C2CD2: variants seen among roughly 807,000 people sequenced by gnomAD.
C2CD2 encodes the protein C2 domain-containing protein 2.
Under a neutral mutation model 74.3 loss-of-function variants are expected in C2CD2, and 43 were observed. The observed-to-expected ratio is 0.58, with a 90% CI of 0.45 to 0.75. C2CD2 has a LOEUF of 0.75. C2CD2 is among the 30% of genes least tolerant of loss of function. C2CD2 has a pLI of 0.00. For missense variants in C2CD2, 801 were observed against 916.3 expected (o/e 0.87, Z 1.63); for synonymous variants, 422 against 390.7 (o/e 1.08, Z -0.94).
At position 41,907,795 on chromosome 21, in the gene C2CD2, A is replaced by G; in HGVS notation, c.1019-11T>C. The G allele has an allele frequency of 6.2e-7, 1 of 1,613,958 alleles. No homozygotes were observed. Among genetic ancestry groups the G allele is most frequent in the Non-Finnish European group, 8.5e-7 (1 of 1,179,954 alleles). ...CCGTCGCCAGCAGACCTGAAAAGAT[A>G]GGAGACAGGCAAGGGGTGCCGCTGA... On this transcript the variant is annotated splice_polypyrimidine_tract_variant and intron_variant, in intron 8 of 13. Transcript: ENST00000380486.
rs376388126 is a variant in C2CD2 at position 41,950,219 on chromosome 21, C to T, written c.279+3151G>A. On this transcript the variant is annotated intron_variant, in intron 1 of 13. Coordinates refer to ENST00000380486, the MANE Select transcript of C2CD2 (RefSeq NM_015500.2). The stretch of plus-strand genomic sequence containing the variant: ...CTAGCAGCTTCTCACCAGTGATTCT[C>T]AACCATGGGACACTCTCAAAGTGTG... Among the ~76,000 whole-genome samples the T allele has an allele frequency of 3.0e-4, 46 of 152,190 alleles. No individual in the cohort carries two copies. In the South Asian group the frequency reaches 3.9e-3, roughly 13 times the overall value.
intron 13 of C2CD2, among the ~76,000 whole-genome samples, chr21:41,891,389 T>C (rs533321455): frequency 1.4e-4 from 22 of 152,324 alleles, no homozygotes; most frequent in African/African-American, 5.3e-4. Context: ...AGGTGGATAA[T>C]GACCCCCAAC....
chr21:41,905,915 G>A, intron 10 of C2CD2, 78 bp from the exon 11 acceptor site: 2 of 807,546 alleles, frequency 2.5e-6, no homozygotes, highest in Non-Finnish European at 4.4e-6. Flanking sequence ...TGAAAGGACA[G>A]CCCTCACTGC....
chr21:41,885,880 G>GTT lies in C2CD2; in HGVS notation c.*3243_*3244insAA, dbSNP rs1332847588. The GTT allele has an allele frequency of 2.6e-5, 4 of 152,430 alleles. No homozygotes were observed. Among genetic ancestry groups the GTT allele is most frequent in the Non-Finnish European group, 5.9e-5 (4 of 68,036 alleles). The allele number at this position is 152,430 out of a possible 1,614,324, so 9.4% of individuals were successfully genotyped here. ...CTGGTCGAGTAGCAGTTGGTCATAA[G>GTT]GGATCAGGGCTGGTTTTGAACTCAG... is the stretch of plus-strand genomic sequence containing the variant. On this transcript the variant is annotated 3_prime_UTR_variant, in exon 14 of 14. Coordinates refer to ENST00000380486, the MANE Select transcript of C2CD2 (RefSeq NM_015500.2).
chr21:41,891,014 T>C (rs542020771), intron 13 of C2CD2, among the ~76,000 whole-genome samples: 1 of 152,288 alleles, frequency 6.6e-6, no homozygotes, highest in Admixed American at 6.5e-5. Context: ...AAAACTTGAC[T>C]CTCTCAACAC....
Position 41,889,163 on chromosome 21 carries a change from CTT to C in C2CD2, c.2050_2051del (p.Lys684GlufsTer29). On this transcript the variant is annotated frameshift_variant, in exon 14 of 14. Transcript: ENST00000380486. LOFTEE classifies it high-confidence loss of function. ...CCACGGGGGCACCGTTCATGGTGTTCTTGTTTCTGTGCCTGGAGAGCAGCTTC... is the reference window on the plus strand; with the variant it reads ...CCACGGGGGCACCGTTCATGGTGTTCGTTTCTGTGCCTGGAGAGCAGCTTC... ...NKKLLSRHRNKNTMNGAPVEP... is the reference protein window; with the variant it reads ...NKKLLSRHRNXNTMNGAPVEP... 6.2e-7 allele frequency: 1 copy of C among 1,612,686 alleles called. No homozygotes were observed. Among genetic ancestry groups the C allele is most frequent in the Non-Finnish European group, 8.5e-7 (1 of 1,180,034 alleles).
intron 13 of C2CD2, among the ~76,000 whole-genome samples, chr21:41,890,518 C>T (rs1009518970): frequency 6.6e-6 from 1 of 152,174 alleles, no homozygotes; most frequent in Non-Finnish European, 1.5e-5. Context: ...CTGGCAAGGT[C>T]GAGGGAGTAA....
chr21:41,898,108 C>T (rs564628845), intron 13 of C2CD2, among the ~76,000 whole-genome samples: 2 of 152,328 alleles, frequency 1.3e-5, no homozygotes, highest in African/African-American at 2.4e-5. Context: ...GGAGCCCCTT[C>T]GATTTCCCGA....
At chr21:41,938,164 C>T (rs966344432) in intron 2 of C2CD2, among the ~76,000 whole-genome samples, 5 of 150,064 alleles carry the variant, frequency 3.3e-5, no homozygotes, top group Non-Finnish European at 4.4e-5. Flanking sequence ...CCATTCCACA[C>T]GTGTATATAT....
chr21:41,941,926 C>A (rs150836297), intron 2 of C2CD2, among the ~76,000 whole-genome samples: 1 of 152,180 alleles, frequency 6.6e-6, no homozygotes, highest in Non-Finnish European at 1.5e-5. Flanking sequence ...CGCACCGGAG[C>A]GAGTGTCAGA....
At chr21:41,938,082 A>G (rs189580164) in intron 2 of C2CD2, among the ~76,000 whole-genome samples, 1 of 152,290 alleles carries the variant, frequency 6.6e-6, no homozygotes, top group East Asian at 1.9e-4. Flanking sequence ...GAAAATTGCT[A>G]AAAGAGTAGA....
chr21:41,919,500 G>T (rs1003754987), intron 3 of C2CD2, among the ~76,000 whole-genome samples: 1 of 152,114 alleles, frequency 6.6e-6, no homozygotes, highest in Non-Finnish European at 1.5e-5. Flanking sequence ...ATCAAACCTT[G>T]CAGTCTATTT....
At chr21:41,902,093 A>C (rs932214966) in intron 11 of C2CD2, among the ~76,000 whole-genome samples, 15 of 152,240 alleles carry the variant, frequency 9.9e-5, no homozygotes, top group African/African-American at 3.6e-4. Flanking sequence ...GGGTGGTTAC[A>C]AGATACTCAC....
At position 41,889,212 on chromosome 21, in the gene C2CD2, G is replaced by C. The variant is rs746631048; in HGVS notation, c.2003C>G (p.Thr668Ser). ...QPEGSRRKGI[T>S]LTRILNKKLL... ...CTTCTTGTTCAGGATCCTGGTGAGG[G>C]TGATGCCTTTCCTCCGGGAACCCTC... Residue 668 changes from threonine (T) to serine (S), a missense_variant, in exon 14 of 14, where the codon ACC becomes AGC. Thr to Ser is a moderately conservative substitution (Grantham distance 58). Coordinates refer to ENST00000380486, the MANE Select transcript of C2CD2 (RefSeq NM_015500.2). 22 of 1,613,532 alleles carry C rather than the reference G, an allele frequency of 1.4e-5. No individual in the cohort carries two copies. The highest frequency in any genetic ancestry group is 1.8e-5 in the Non-Finnish European group (21 of 1,180,034).
rs187345131 is a variant in C2CD2 at position 41,938,432 on chromosome 21, G to C, written c.378+3715C>G. ...AAAACTGACCATTTAAGCCATTTTTGAGTGCACAGTTCAGTGGCATTAAGT... is the reference window on the plus strand; with the variant it reads ...AAAACTGACCATTTAAGCCATTTTTCAGTGCACAGTTCAGTGGCATTAAGT... On this transcript the variant is annotated intron_variant, in intron 2 of 13. Coordinates refer to ENST00000380486, the MANE Select transcript of C2CD2 (RefSeq NM_015500.2). 3.5e-3 allele frequency among the ~76,000 whole-genome samples: 531 copies of C among 152,118 alleles called. 2 individuals are homozygous for C. Among genetic ancestry groups the C allele is most frequent in the Middle Eastern group, 0.014 (4 of 292 alleles).
intron 1 of C2CD2, among the ~76,000 whole-genome samples, chr21:41,952,729 C>T (rs1305317187): frequency 2.0e-5 from 3 of 152,244 alleles, no homozygotes; most frequent in Non-Finnish European, 2.9e-5. Context: ...CTGCCGCCCA[C>T]GAGCTGTGTG....
intron 2 of C2CD2, among the ~76,000 whole-genome samples, chr21:41,935,482 A>T (rs1569079416): frequency 6.6e-6 from 1 of 152,196 alleles, no homozygotes; most frequent in African/African-American, 2.4e-5. Flanking sequence ...TGGCAGCCTG[A>T]GGTCTGAACT....
intron 1 of C2CD2, among the ~76,000 whole-genome samples, chr21:41,943,874 C>T (rs1260730988): frequency 1.3e-5 from 2 of 152,214 alleles, no homozygotes; most frequent in African/African-American, 4.8e-5. Flanking sequence ...GCTGAAATCA[C>T]AGTTTCAGGG....
Position 41,914,629 on chromosome 21 carries a change from G to T in C2CD2, c.813C>A (p.His271Gln). The change falls in exon 6 of 14, where the codon CAC becomes CAA. Residue 271 changes from histidine to glutamine, a missense_variant. Physicochemically the swap from His to Gln is conservative, Grantham distance 24 (BLOSUM62 0). Coordinates refer to ENST00000380486, the MANE Select transcript of C2CD2 (RefSeq NM_015500.2). The part of the protein sequence containing the change: ...HELKLLVRNI[H>Q]VLLLSEPGAS... ...CACCGGGCTCGCTGAGCAGCAAGAC[G>T]TGGATGTTCCTCACCAGTAGCTTCA... 1 of 1,613,912 alleles carries T rather than the reference G, an allele frequency of 6.2e-7. No individual in the cohort carries two copies. The highest frequency in any genetic ancestry group is 2.2e-5 in the East Asian group (1 of 44,890).
Sources: gnomAD v4.1 joint callset for allele counts (sites outside exome capture counted in the v4.1 genomes callset) on GRCh38, gnomAD v4.1.1 for gene constraint, MANE v1.5 for transcripts, NCBI Gene and HGNC (gene_info 2026-07-23, HGNC 2026-07-21) for gene names.